NOS1: variants seen among roughly 807,000 people sequenced by gnomAD.
The protein encoded by NOS1 is NOS type I.
Under a neutral mutation model 164.5 loss-of-function variants are expected in NOS1, and 51 were observed. The observed-to-expected ratio is 0.31, with a 90% CI of 0.25 to 0.39. The LOEUF (loss-of-function observed/expected upper bound fraction) is 0.39, where lower values mean the gene tolerates loss of function less well. NOS1 is among the 10% of genes least tolerant of loss of function. NOS1 has a pLI of 1.00. For missense variants in NOS1, 1,362 were observed against 1,885.6 expected (o/e 0.72, Z 5.14); for synonymous variants, 719 against 745.8 (o/e 0.96, Z 0.59).
chr12:117,228,708 C>A (rs1044276733), intron 22 of NOS1, among the ~76,000 whole-genome samples: 1 of 152,200 alleles, frequency 6.6e-6, no homozygotes, highest in Non-Finnish European at 1.5e-5. Context: ...TGCGAGTGCA[C>A]TGTGTAACAA....
At chr12:117,268,790 G>T (rs1277301149) in intron 10 of NOS1, among the ~76,000 whole-genome samples, 2 of 148,688 alleles carry the variant, frequency 1.3e-5, no homozygotes, top group Non-Finnish European at 3.0e-5. Context: ...GTAGAGAGGG[G>T]GTTTCACCGT....
chr12:117,264,923 C>T (rs1214563053), intron 12 of NOS1, among the ~76,000 whole-genome samples: 1 of 151,772 alleles, frequency 6.6e-6, no homozygotes, highest in East Asian at 1.9e-4. Context: ...AGGCTGGTCT[C>T]GAACTCCTGA....
At chr12:117,326,306 A>C (rs1875241881) in intron 2 of NOS1, among the ~76,000 whole-genome samples, 1 of 151,948 alleles carries the variant, frequency 6.6e-6, no homozygotes, top group African/African-American at 2.4e-5. Flanking sequence ...GAATTGCTGG[A>C]ACCCGGGAGG....
chr12:117,291,723 TG>T (rs1201244766), intron 3 of NOS1, among the ~76,000 whole-genome samples: 1 of 151,758 alleles, frequency 6.6e-6, no homozygotes, highest in South Asian at 2.1e-4. Flanking sequence ...TTTGTAGAGA[TG>T]GGGGTCTCAC....
chr12:117,266,683 A>G (rs1034347626), intron 11 of NOS1, among the ~76,000 whole-genome samples: 1 of 151,864 alleles, frequency 6.6e-6, no homozygotes, highest in South Asian at 2.1e-4. Context: ...GATTACAGGC[A>G]CATGCCACTA....
intron 17 of NOS1, among the ~76,000 whole-genome samples, chr12:117,247,979 A>AAGAGACACC (rs1337079881): frequency 1.9e-4 from 29 of 150,148 alleles, no homozygotes; most frequent in African/African-American, 7.1e-4. Context: ...AAAGAAAAGG[A>AAGAGACACC]AGAGACACCA....
rs555828677 is a variant in NOS1, at chr12:117,311,700, A to G, written c.726-108T>C. The G allele has an allele frequency of 3.9e-5, 48 of 1,220,346 alleles. No homozygotes were observed. The African/African-American group carries it at 6.2e-4, about 16-fold the overall frequency. 75.6% of individuals were successfully genotyped at this position (1,220,346 alleles called of 1,614,324 possible). ...TACAGAACCTCAGTAGCTCACTCACATAACTCCATATGAGCCAGCGAGCTT... is the reference window on the plus strand; with the variant it reads ...TACAGAACCTCAGTAGCTCACTCACGTAACTCCATATGAGCCAGCGAGCTT... On this transcript the variant is annotated intron_variant, in intron 2 of 28. Coordinates refer to ENST00000317775, the MANE Select transcript of NOS1 (RefSeq NM_000620.5).
intron 3 of NOS1, among the ~76,000 whole-genome samples, chr12:117,297,565 TA>T (rs1873504103): frequency 6.6e-6 from 1 of 152,080 alleles, no homozygotes; most frequent in South Asian, 2.1e-4. Context: ...CTAATTTTTG[TA>T]GTTTTAGTGG....
At chr12:117,255,613 T>C (rs1024670459) in intron 16 of NOS1, among the ~76,000 whole-genome samples, 1 of 152,202 alleles carries the variant, frequency 6.6e-6, no homozygotes, top group African/African-American at 2.4e-5. Flanking sequence ...TTGATGGTTG[T>C]GGGTAAAAAT....
At chr12:117,276,397 C>A (rs1873181808) in intron 9 of NOS1, among the ~76,000 whole-genome samples, 1 of 152,194 alleles carries the variant, frequency 6.6e-6, no homozygotes, top group Non-Finnish European at 1.5e-5. Context: ...ATTCTCCTGC[C>A]TCAGCATCCC....
At position 117,220,177 on chromosome 12, in the gene NOS1, G is replaced by A. The variant is rs373366434; in HGVS notation, c.4068C>T (p.Asp1356=). Residue 1356 remains aspartate, a synonymous_variant, in exon 27 of 29, where the codon GAC becomes GAT. Coordinates refer to ENST00000317775, the MANE Select transcript of NOS1 (RefSeq NM_000620.5). ...TGAGGACATCAGCAGCCATGGTGAC[G>A]TCCCCACAGACGTATATGTGGCCCC... The part of the protein sequence containing the change: ...EQGGHIYVCG[D]VTMAADVLKA... The A allele has an allele frequency of 2.2e-5, 36 of 1,613,860 alleles. No individual in the cohort carries two copies. The Admixed American group carries it at 2.8e-4, about 13-fold the overall frequency.
Position 117,280,787 on chromosome 12 carries a change from C to T in NOS1, c.1462G>A (p.Ala488Thr), listed in dbSNP as rs1450500022. 1 of 1,614,178 alleles carries T rather than the reference C, an allele frequency of 6.2e-7. No homozygotes were observed. The highest frequency in any genetic ancestry group is 2.2e-5 in the East Asian group (1 of 44,866). Residue 488 changes from alanine to threonine, a missense_variant, in exon 8 of 29, where the codon GCT becomes ACT. Ala to Thr is a moderately conservative substitution (Grantham distance 58). Coordinates refer to ENST00000317775, the MANE Select transcript of NOS1 (RefSeq NM_000620.5). The stretch of plus-strand genomic sequence containing the variant: ...GAGCCGTCAGGCTGCTTGTAGCCAG[C>T]GTAGCGGATGAGCTGGGAGTTCCAG... ...RVWNSQLIRY[A>T]GYKQPDGSTL...
In NOS1 at chr12:117,332,876, G is replaced by A. The variant is rs73208146; in HGVS notation, c.-420-1387C>T. Among the ~76,000 whole-genome samples, 598 of 152,190 alleles carry A rather than the reference G, an allele frequency of 3.9e-3. 7 individuals carry two copies. The highest frequency in any genetic ancestry group is 0.029 in the South Asian group (140 of 4,826). On this transcript the variant is annotated intron_variant, in intron 1 of 28. Coordinates refer to ENST00000317775, the MANE Select transcript of NOS1 (RefSeq NM_000620.5). ...TGAAACTCTGTCTCCCCTGCCCCCCGCCAAAATCAAATTTATATTCTAGTT... is the reference window on the plus strand; with the variant it reads ...TGAAACTCTGTCTCCCCTGCCCCCCACCAAAATCAAATTTATATTCTAGTT...
At position 117,214,372 on chromosome 12, in the gene NOS1, G is replaced by A. The variant is rs555014161; in HGVS notation, c.*937C>T. 1.7e-5 allele frequency: 17 copies of A among 985,214 alleles called. No individual in the cohort carries two copies. In the East Asian group the frequency reaches 9.1e-4, roughly 53 times the overall value. The allele number at this position is 985,214 out of a possible 1,614,324, so 61.0% of individuals were successfully genotyped here. On this transcript the variant is annotated 3_prime_UTR_variant, in exon 29 of 29. Transcript: ENST00000317775. ...GTGGGAAGATCCTTATTGCCACCAG[G>A]CTTCTTTGAACAACATAACTTCCAG...
chr12:117,275,726 A>C (rs1374340589), intron 9 of NOS1, among the ~76,000 whole-genome samples: 1 of 152,224 alleles, frequency 6.6e-6, no homozygotes, highest in South Asian at 2.1e-4. Context: ...TATACATTAT[A>C]TGTATTAAAA....
intron 1 of NOS1, among the ~76,000 whole-genome samples, chr12:117,355,587 CA>C (rs775331952): frequency 1.3e-5 from 2 of 151,478 alleles, no homozygotes; most frequent in Admixed American, 6.6e-5. Context: ...AAACAGAGAA[CA>C]AAAAAAAGCC....
In NOS1 at chr12:117,210,770, A is replaced by G. The variant is rs1956514712; in HGVS notation, c.*4539T>C. On this transcript the variant is annotated 3_prime_UTR_variant, in exon 29 of 29. Coordinates refer to ENST00000317775, the MANE Select transcript of NOS1 (RefSeq NM_000620.5). ...TCAGAAGATTCTGTGTTCTTAGCCA[A>G]TGTCTACTGGCTGGGGGTCAGTTTT... is the stretch of plus-strand genomic sequence containing the variant. The G allele has an allele frequency of 2.0e-6, 2 of 985,188 alleles. No individual in the cohort carries two copies. The highest frequency in any genetic ancestry group is 1.7e-5 in the African/African-American group (1 of 57,170). The allele number at this position is 985,188 out of a possible 1,614,324, so 61.0% of individuals were successfully genotyped here. A position where few individuals can be genotyped will look rare whatever the true frequency, so the allele number is the denominator to read the frequency against.
intron 28 of NOS1, among the ~76,000 whole-genome samples, chr12:117,217,706 A>G (rs1956633412): frequency 1.3e-5 from 2 of 152,102 alleles, no homozygotes; most frequent in South Asian, 2.1e-4. Context: ...CTCCGTCAAA[A>G]AAAAAAAAGC....
intron 3 of NOS1, among the ~76,000 whole-genome samples, chr12:117,295,296 G>T (rs1873333940): frequency 6.6e-6 from 1 of 152,088 alleles, no homozygotes; most frequent in African/African-American, 2.4e-5. Flanking sequence ...TTGGGTTATT[G>T]AATGCAAAAA....
Sources: gnomAD v4.1 joint callset for allele counts (sites outside exome capture counted in the v4.1 genomes callset) on GRCh38, gnomAD v4.1.1 for gene constraint, MANE v1.5 for transcripts, NCBI Gene and HGNC (gene_info 2026-07-23, HGNC 2026-07-21) for gene names.